MPZL2: variants seen among roughly 807,000 people sequenced by gnomAD.
MPZL2 encodes myelin protein zero like 2.
Under a neutral mutation model 24.5 loss-of-function variants are expected in MPZL2, and 32 were observed. The ratio of observed to expected loss-of-function variants is 1.31; its 90% confidence interval spans 0.99 to 1.76. MPZL2 has a LOEUF of 1.76. Ranked by LOEUF, MPZL2 falls within the 40% of genes most tolerant of loss-of-function variation. MPZL2 has a pLI of 0.00. For missense variants in MPZL2, 304 were observed against 274.9 expected (o/e 1.11, Z -0.75); for synonymous variants, 92 against 97.9 (o/e 0.94, Z 0.36).
intron 1 of MPZL2, 94 bp from the exon 2 acceptor site, chr11:118,263,191 C>T: frequency 7.5e-7 from 1 of 1,328,970 alleles, no homozygotes; most frequent in Non-Finnish European, 1.0e-6. Context: ...CTGAGTAGGA[C>T]TTAAAGTAAA....
At chr11:118,257,714 A>C (rs899541066) in intron 4 of MPZL2, 10 of 156,062 alleles carry the variant, frequency 6.4e-5, no homozygotes, top group Admixed American at 4.6e-4. Context: ...TAGGCTTCTT[A>C]AAATTAGTTC....
In MPZL2 at chr11:118,260,156, G is replaced by T; in HGVS notation, c.482C>A (p.Ala161Asp). 1 of 1,614,088 alleles carries T rather than the reference G, an allele frequency of 6.2e-7. No individual in the cohort carries two copies. The highest frequency in any genetic ancestry group is 1.1e-5 in the South Asian group (1 of 91,086). Reference protein sequence around the residue: ...IHFLALAIGSACALMIIIVIV... With the variant: ...IHFLALAIGSDCALMIIIVIV... ...TACTATTATGATCATCAGTGCACAG[G>T]CAGAGCCAATGGCCAGAGCCAGGAA... Residue 161 changes from alanine to aspartate, a missense_variant, in exon 4 of 6, where the codon GCC (alanine) becomes GAC (aspartate). By Grantham distance (126) the Ala-to-Asp change is moderately radical. Coordinates refer to ENST00000278937, the MANE Select transcript of MPZL2 (RefSeq NM_005797.4).
chr11:118,258,359 A>G (rs1949676246), intron 4 of MPZL2, among the ~76,000 whole-genome samples: 1 of 152,192 alleles, frequency 6.6e-6, no homozygotes, highest in African/African-American at 2.4e-5. Context: ...ACAGAATGGG[A>G]AAAAAATTGC....
intron 5 of MPZL2, 162 bp downstream of exon 5, chr11:118,257,076 C>T: frequency 2.1e-6 from 1 of 481,016 alleles, no homozygotes; most frequent in Non-Finnish European, 3.7e-6. Context: ...AGGAGCTATC[C>T]ATAAGACTAA....
intron 3 of MPZL2, among the ~76,000 whole-genome samples, chr11:118,261,717 G>A (rs1014120147): frequency 6.6e-6 from 1 of 152,152 alleles, no homozygotes; most frequent in Admixed American, 6.5e-5. Context: ...TTTGTTGCTT[G>A]GCATGGTTTT....
rs1303623972 is a variant in MPZL2 at position 118,254,166 on chromosome 11, T to C, written c.*1080A>G. 1.3e-5 allele frequency: 2 copies of C among 152,198 alleles called. No individual in the cohort carries two copies. The highest frequency in any genetic ancestry group is 2.9e-5 in the Non-Finnish European group (2 of 68,030). 9.4% of individuals were successfully genotyped at this position (152,198 alleles called of 1,614,324 possible). ...GGTTTTATTCCATTTAAAGTAGTTTTGGTATTTCTTTGCTCCATACCAAAG... is the reference window on the plus strand; with the variant it reads ...GGTTTTATTCCATTTAAAGTAGTTTCGGTATTTCTTTGCTCCATACCAAAG... On this transcript the variant is annotated 3_prime_UTR_variant, in exon 6 of 6. Coordinates refer to ENST00000278937, the MANE Select transcript of MPZL2 (RefSeq NM_005797.4).
At chr11:118,259,222 T>A (rs1405830390) in intron 4 of MPZL2, 1 of 152,158 alleles carries the variant, frequency 6.6e-6, no homozygotes, top group South Asian at 2.1e-4. Context: ...AATGAATGTT[T>A]ATAGCAGCAT....
rs941997398 is a variant in MPZL2 at position 118,254,014 on chromosome 11, A to G, written c.*1232T>C. 6 of 152,708 alleles carry G rather than the reference A, an allele frequency of 3.9e-5. No homozygotes were observed. Among genetic ancestry groups the G allele is most frequent in the African/African-American group, 1.4e-4 (6 of 41,574 alleles). 9.5% of individuals were successfully genotyped at this position (152,708 alleles called of 1,614,324 possible). A position where few individuals can be genotyped will look rare whatever the true frequency, so the allele number is the denominator to read the frequency against. ...ATCTGTAAAGATTGATCTTGAGCCTAAACTTTTAGATGCTTTCTATCCTTT... is the reference window on the plus strand; with the variant it reads ...ATCTGTAAAGATTGATCTTGAGCCTGAACTTTTAGATGCTTTCTATCCTTT... On this transcript the variant is annotated 3_prime_UTR_variant, in exon 6 of 6. Coordinates refer to ENST00000278937, the MANE Select transcript of MPZL2 (RefSeq NM_005797.4).
chr11:118,257,399 TC>T, intron 4 of MPZL2, 86 bp from the exon 5 acceptor site: 2 of 1,132,274 alleles, frequency 1.8e-6, no homozygotes, highest in Non-Finnish European at 2.6e-6. Flanking sequence ...AAGGTATTTT[TC>T]CCCCATATTT....
At chr11:118,255,635 C>T (rs1591503405) in intron 5 of MPZL2, among the ~76,000 whole-genome samples, 2 of 151,792 alleles carry the variant, frequency 1.3e-5, no homozygotes, top group African/African-American at 4.8e-5. Context: ...TCATCTCCCC[C>T]ATCACCTAAT....
At chr11:118,262,797 C>G in intron 2 of MPZL2, 134 bp downstream of exon 2, 1 of 1,375,768 alleles carries the variant, frequency 7.3e-7, no homozygotes, top group Non-Finnish European at 1.0e-6. Flanking sequence ...CTCTCAGTCT[C>G]TGTCCCAAGA....
At chr11:118,259,798 T>A (rs1949686682) in intron 4 of MPZL2, 1 of 348,178 alleles carries the variant, frequency 2.9e-6, no homozygotes, top group African/African-American at 2.1e-5. Flanking sequence ...TTAGAAAAGC[T>A]TTACATAGCA....
intron 5 of MPZL2, chr11:118,256,828 A>G (rs898607777): frequency 6.6e-6 from 1 of 152,530 alleles, no homozygotes; most frequent in Non-Finnish European, 1.5e-5. Flanking sequence ...TCCTGTAAAA[A>G]CTGCCAGATA....
chr11:118,262,758 C>T, intron 2 of MPZL2, 110 bp from the exon 3 acceptor site: 2 of 1,349,396 alleles, frequency 1.5e-6, no homozygotes, highest in Middle Eastern at 2.6e-4. Flanking sequence ...CTGTCTGCAG[C>T]TCTGTCACTT....
chr11:118,259,035 G>A (rs1332034511), intron 4 of MPZL2, among the ~76,000 whole-genome samples: 1 of 137,948 alleles, frequency 7.2e-6, no homozygotes, highest in East Asian at 2.2e-4. Flanking sequence ...GACAATGAGT[G>A]TTGAGGAGGA....
chr11:118,258,497 T>C (rs140334074), intron 4 of MPZL2, among the ~76,000 whole-genome samples: 1 of 152,090 alleles, frequency 6.6e-6, no homozygotes, highest in East Asian at 1.9e-4. Flanking sequence ...AAATAAGATA[T>C]ACAAATGGAC....
In MPZL2 at chr11:118,257,231, A is replaced by C. The variant is rs368712745; in HGVS notation, c.*12+7T>G. On this transcript the variant is annotated splice_region_variant and intron_variant, in intron 5 of 5. Transcript: ENST00000278937. ...AAGAAAGAAATCAACCTATTTGTGA[A>C]CCTTACCATCTAAAATTGTTAGTCT... 180 of 1,598,006 alleles carry C rather than the reference A, an allele frequency of 1.1e-4. 1 individual carries two copies. In the African/African-American group the frequency reaches 2.3e-3, roughly 20 times the overall value.
At chr11:118,255,738 A>T (rs957339101) in intron 5 of MPZL2, among the ~76,000 whole-genome samples, 3 of 152,184 alleles carry the variant, frequency 2.0e-5, no homozygotes, top group African/African-American at 7.2e-5. Context: ...AATTTTTCAA[A>T]ATAGGTACAT....
In MPZL2 at chr11:118,255,052, G is replaced by A. The variant is rs1325747349; in HGVS notation, c.*194C>T. The A allele has an allele frequency of 6.6e-6, 1 of 152,150 alleles. No homozygotes were observed. The highest frequency in any genetic ancestry group is 1.5e-5 in the Non-Finnish European group (1 of 68,038). The allele number at this position is 152,150 out of a possible 1,614,324, so 9.4% of individuals were successfully genotyped here. A position where few individuals can be genotyped will look rare whatever the true frequency, so the allele number is the denominator to read the frequency against. ...AATTAAATAAGACCTTAATAATGAGGCTGTGTATGACTGGTGATATGGAGG... is the reference window on the plus strand; with the variant it reads ...AATTAAATAAGACCTTAATAATGAGACTGTGTATGACTGGTGATATGGAGG... On this transcript the variant is annotated 3_prime_UTR_variant, in exon 6 of 6. Transcript: ENST00000278937.
Sources: allele counts gnomAD v4.1 joint callset (sites outside exome capture counted in the v4.1 genomes callset), GRCh38; gene constraint gnomAD v4.1.1; transcripts MANE v1.5; gene names NCBI Gene and HGNC (gene_info 2026-07-23, HGNC 2026-07-21).